Variants in IGSF10 observed in about 807,000 individuals in gnomAD.
IGSF10 encodes immunoglobulin superfamily member 10.
In IGSF10, 126 loss-of-function variants were observed where a neutral mutation model predicts 128.2. That is an observed-to-expected ratio of 0.98 (90% CI 0.85 to 1.14). The LOEUF is 1.14. Among genes scored for constraint, IGSF10 ranks in the 50% most tolerant of loss-of-function variants. The probability of loss-of-function intolerance (pLI) is 0.00; values close to 1 mark genes in which losing one functional copy is unlikely to be tolerated. For synonymous variants in IGSF10, 1,185 were observed against 1,146.2 expected (o/e 1.03, Z -0.68); for missense variants, 3,295 against 3,149.8 (o/e 1.05, Z -1.10).
chr3:151,473,229 A>C, the IGSF10 span, among the ~76,000 whole-genome samples: 1 of 152,242 alleles, frequency 6.6e-6, no homozygotes, highest in South Asian at 2.1e-4. Context: ...TGCTGAACAC[A>C]AAACCAGAGT....
chr3:151,486,103 G>A, the IGSF10 span, among the ~76,000 whole-genome samples: 5 of 152,088 alleles, frequency 3.3e-5, no homozygotes, highest in Non-Finnish European at 4.4e-5. Flanking sequence ...AAGGGATGCA[G>A]GGAGATTACC....
At chr3:151,443,952 G>A (rs772101659) in intron 6 of IGSF10, 68 bp from the exon 7 acceptor site, 50 of 1,276,082 alleles carry the variant, frequency 3.9e-5, no homozygotes, top group Non-Finnish European at 4.8e-5. Flanking sequence ...TAAAGCTATC[G>A]TTTTTTGGGC....
chr3:151,567,581 C>A, the IGSF10 span, among the ~76,000 whole-genome samples: 1 of 152,114 alleles, frequency 6.6e-6, no homozygotes, highest in African/African-American at 2.4e-5. Context: ...ACAGTGTTAC[C>A]TGGGAGGGTC....
Position 151,436,843 on chromosome 3 carries a change from G to A in IGSF10, c.7718C>T (p.Ala2573Val). The A allele has an allele frequency of 6.2e-7, 1 of 1,614,120 alleles. No homozygotes were observed. The highest frequency in any genetic ancestry group is 1.1e-5 in the South Asian group (1 of 91,074). ...ACTTCCATGTGTCCTCTCTTTACTT[G>A]CCGTTGAGAGAAGGGAGTGGTCAGG... The part of the protein sequence containing the change: ...EMPDHSLLST[A>V]SKERTHGSEQ... Residue 2573 changes from alanine to valine, a missense_variant, in exon 8 of 8, where the codon GCA becomes GTA. Transcript: ENST00000282466.
chr3:151,463,535 T>TGG (rs56084857), upstream of IGSF10, among the ~76,000 whole-genome samples: 6 of 52,160 alleles, frequency 1.2e-4, no homozygotes, highest in South Asian at 6.9e-4. Flanking sequence ...TTTTTTTTTT[T>TGG]TTTTTTTTTT....
Position 151,446,683 on chromosome 3 carries a change from C to T in IGSF10, c.3298G>A (p.Glu1100Lys), listed in dbSNP as rs753107184. Residue 1100 changes from glutamate (E) to lysine (K), a missense_variant, in exon 6 of 8, where the codon GAA (glutamate) becomes AAA (lysine). Physicochemically the swap from Glu to Lys is moderately conservative, Grantham distance 56. Transcript: ENST00000282466. ...TTCTGGACTAGAGTTGTAGACTCTT[C>T]TGATGGGACTCTAGCAATGTCAGCT... ...PKADIARVPS[E>K]ESTTLVQNPL... The T allele has an allele frequency of 9.3e-6, 15 of 1,613,926 alleles. No homozygotes were observed. The highest frequency in any genetic ancestry group is 1.3e-5 in the Non-Finnish European group (15 of 1,179,858).
At chr3:151,557,994 A>T in the IGSF10 span, among the ~76,000 whole-genome samples, 1 of 96,546 alleles carries the variant, frequency 1.0e-5, no homozygotes, top group Non-Finnish European at 2.0e-5. Context: ...AAGCAAATAT[A>T]AAGTATATAT....
chr3:151,558,920 A>C, the IGSF10 span, among the ~76,000 whole-genome samples: 1 of 152,084 alleles, frequency 6.6e-6, no homozygotes, highest in Non-Finnish European at 1.5e-5. Flanking sequence ...ACATGTTTCC[A>C]CCTAGTAAAT....
At chr3:151,464,949 A>T (rs551624216), upstream of IGSF10, among the ~76,000 whole-genome samples, 3 of 152,296 alleles carry the variant, frequency 2.0e-5, no homozygotes, top group African/African-American at 7.2e-5. Context: ...CAGATCTCTA[A>T]CCTTTCAGAG....
chr3:151,468,418 T>C, the IGSF10 span, among the ~76,000 whole-genome samples: 17,334 of 152,090 alleles, frequency 0.11, 1,705 homozygotes, highest in African/African-American at 0.27. Context: ...AACCAGGGCA[T>C]TGGAAAAGGG....
At chr3:151,496,701 G>A in the IGSF10 span, among the ~76,000 whole-genome samples, 4 of 151,542 alleles carry the variant, frequency 2.6e-5, no homozygotes, top group Admixed American at 2.6e-4. Context: ...TCCAGTAATG[G>A]GATGGCTGGG....
rs761601618 is a variant in IGSF10 at position 151,436,675 on chromosome 3, T to G, written c.*14A>C. The G allele has an allele frequency of 1.2e-5, 19 of 1,552,404 alleles. No individual in the cohort carries two copies. The highest frequency in any genetic ancestry group is 3.6e-4 in the Middle Eastern group (2 of 5,566). ...TAAATTCTGCCCAGATGTTGTTGAC[T>G]TTATTATTTCATGTCAGATTACTTG... On this transcript the variant is annotated 3_prime_UTR_variant, in exon 8 of 8. Transcript: ENST00000282466.
chr3:151,576,435 C>T, the IGSF10 span, among the ~76,000 whole-genome samples: 1 of 152,090 alleles, frequency 6.6e-6, no homozygotes, highest in South Asian at 2.1e-4. Context: ...TTTTCATAAA[C>T]ACAGACCAGA....
the IGSF10 span, among the ~76,000 whole-genome samples, chr3:151,554,655 G>T: frequency 6.6e-6 from 1 of 151,990 alleles, no homozygotes; most frequent in Non-Finnish European, 1.5e-5. Flanking sequence ...TCCATATTTT[G>T]TCAGATCCAG....
At chr3:151,524,964 T>C in the IGSF10 span, among the ~76,000 whole-genome samples, 1 of 148,438 alleles carries the variant, frequency 6.7e-6, no homozygotes, top group Admixed American at 6.8e-5. Context: ...CAATATGAAA[T>C]AGATAATCTT....
the IGSF10 span, among the ~76,000 whole-genome samples, chr3:151,590,065 G>A: frequency 6.6e-6 from 1 of 152,188 alleles, no homozygotes; most frequent in South Asian, 2.1e-4. Flanking sequence ...TTTCTTTAGA[G>A]TCTCACTCTA....
chr3:151,557,326 G>T, the IGSF10 span, among the ~76,000 whole-genome samples: 2 of 152,102 alleles, frequency 1.3e-5, no homozygotes, highest in Admixed American at 6.6e-5. Flanking sequence ...ACAGACAGTT[G>T]TCCAGGACAA....
At chr3:151,559,625 A>T in the IGSF10 span, among the ~76,000 whole-genome samples, 2 of 152,174 alleles carry the variant, frequency 1.3e-5, no homozygotes, top group South Asian at 4.1e-4. Context: ...ATTATTAATC[A>T]GAGTCAAATA....
At chr3:151,584,194 GA>G in the IGSF10 span, among the ~76,000 whole-genome samples, 1 of 152,048 alleles carries the variant, frequency 6.6e-6, no homozygotes, top group Non-Finnish European at 1.5e-5. Context: ...TTATTATTAT[GA>G]AAGAATTCTT....
Sources: allele counts gnomAD v4.1 joint callset (sites outside exome capture counted in the v4.1 genomes callset), GRCh38; gene constraint gnomAD v4.1.1; transcripts MANE v1.5; gene names NCBI Gene and HGNC (gene_info 2026-07-23, HGNC 2026-07-21).